The following ERBB4 variants were observed in gnomAD, a reference collection of about 807,000 sequenced individuals.
ERBB4 encodes receptor tyrosine-protein kinase erbB-4.
In ERBB4, 42 loss-of-function variants were observed where a neutral mutation model predicts 158.0. That is an observed-to-expected ratio of 0.27 (90% CI 0.21 to 0.34). The LOEUF is 0.34. Among genes scored for constraint, ERBB4 ranks in the 10% least tolerant of loss-of-function variants. ERBB4 has a pLI of 1.00. For missense variants in ERBB4, 1,333 were observed against 1,624.1 expected (o/e 0.82, Z 3.08); for synonymous variants, 583 against 558.7 (o/e 1.04, Z -0.61).
intron 20 of ERBB4, among the ~76,000 whole-genome samples, chr2:211,513,566 T>G (rs928227397): frequency 2.6e-5 from 4 of 152,062 alleles, no homozygotes; most frequent in African/African-American, 9.7e-5. Context: ...TGTGGAGAAC[T>G]TGGCCCTGCA....
chr2:212,328,715 T>A (rs1445211443), intron 1 of ERBB4, among the ~76,000 whole-genome samples: 3 of 152,046 alleles, frequency 2.0e-5, no homozygotes, highest in Non-Finnish European at 2.9e-5. Flanking sequence ...AAGAAATTTA[T>A]GCAAGAAATC....
intron 1 of ERBB4, among the ~76,000 whole-genome samples, chr2:212,402,907 T>C (rs1052667166): frequency 1.3e-5 from 2 of 152,144 alleles, no homozygotes; most frequent in South Asian, 4.1e-4. Flanking sequence ...ATTCAACTTT[T>C]ACGTGATACC....
intron 1 of ERBB4, among the ~76,000 whole-genome samples, chr2:212,431,025 C>T (rs1457727506): frequency 6.6e-6 from 1 of 151,976 alleles, no homozygotes; most frequent in Non-Finnish European, 1.5e-5. Context: ...TAGACTTACT[C>T]CTGTATCTCT....
At chr2:212,501,733 T>C (rs1690902708) in intron 1 of ERBB4, among the ~76,000 whole-genome samples, 2 of 152,180 alleles carry the variant, frequency 1.3e-5, no homozygotes, top group African/African-American at 4.8e-5. Flanking sequence ...TGGACTTTCT[T>C]CACAGAACCT....
chr2:212,538,739 AGCGCGTGTGT>A lies in ERBB4; in HGVS notation c.-219_-210del, dbSNP rs992627414. ...GGGGCCCGAGGAGGGGGCGAGTGTG[AGCGCGTGTGT>A]GCGCGTGTGGGAGTGTGCTCGGTGT... On this transcript the variant is annotated 5_prime_UTR_variant, in exon 1 of 28. Transcript: ENST00000342788. 1.9e-4 allele frequency: 77 copies of A among 401,584 alleles called. No individual in the cohort carries two copies. Among genetic ancestry groups the A allele is most frequent in the Non-Finnish European group, 2.9e-4 (68 of 232,782 alleles). 24.9% of individuals were successfully genotyped at this position (401,584 alleles called of 1,614,324 possible). A position where few individuals can be genotyped will look rare whatever the true frequency, so the allele number is the denominator to read the frequency against.
At chr2:212,516,952 C>A (rs974312108) in intron 1 of ERBB4, among the ~76,000 whole-genome samples, 1 of 152,192 alleles carries the variant, frequency 6.6e-6, no homozygotes, top group South Asian at 2.1e-4. Context: ...TATGTTTGCA[C>A]GACTTCCACA....
intron 2 of ERBB4, among the ~76,000 whole-genome samples, chr2:212,090,330 A>G (rs997332926): frequency 6.6e-6 from 1 of 152,172 alleles, no homozygotes; most frequent in Non-Finnish European, 1.5e-5. Flanking sequence ...ATTGTACTAT[A>G]TTTCTTGAAA....
chr2:212,357,179 G>A (rs879424389), intron 1 of ERBB4, among the ~76,000 whole-genome samples: 3 of 151,490 alleles, frequency 2.0e-5, no homozygotes, highest in Non-Finnish European at 4.4e-5. Context: ...TTACAATACA[G>A]GTCTGTAGTA....
At chr2:211,525,439 G>A (rs2066320612) in intron 20 of ERBB4, among the ~76,000 whole-genome samples, 1 of 152,048 alleles carries the variant, frequency 6.6e-6, no homozygotes, top group South Asian at 2.1e-4. Context: ...ACACACTCTG[G>A]GCCAGAAGAA....
At chr2:211,695,644 C>G (rs184023542) in intron 12 of ERBB4, among the ~76,000 whole-genome samples, 3 of 152,184 alleles carry the variant, frequency 2.0e-5, no homozygotes, top group Admixed American at 6.5e-5. Flanking sequence ...CTGTTAATAA[C>G]ATAATAACTA....
chr2:211,468,670 A>C (rs748308799), intron 20 of ERBB4, among the ~76,000 whole-genome samples: 2 of 152,176 alleles, frequency 1.3e-5, no homozygotes. Context: ...AAAGAAAGCC[A>C]CCGTGTTTGA....
chr2:212,459,673 T>C (rs958499263), intron 1 of ERBB4, among the ~76,000 whole-genome samples: 1 of 152,168 alleles, frequency 6.6e-6, no homozygotes, highest in African/African-American at 2.4e-5. Context: ...GGAAGCATTA[T>C]ACTACCTTAC....
chr2:212,049,940 G>A (rs756350629), intron 2 of ERBB4, among the ~76,000 whole-genome samples: 32 of 152,010 alleles, frequency 2.1e-4, no homozygotes, highest in African/African-American at 7.5e-4. Flanking sequence ...TAGAAAATAC[G>A]TGTCATGATT....
intron 1 of ERBB4, among the ~76,000 whole-genome samples, chr2:212,373,978 A>T (rs2090214637): frequency 7.8e-6 from 1 of 128,192 alleles, no homozygotes; most frequent in Non-Finnish European, 1.7e-5. Flanking sequence ...ATATCCATAT[A>T]TATATATCCA....
At chr2:211,555,616 G>A (rs1372359006) in intron 20 of ERBB4, among the ~76,000 whole-genome samples, 3 of 152,172 alleles carry the variant, frequency 2.0e-5, no homozygotes, top group African/African-American at 7.2e-5. Context: ...CAGACTAACA[G>A]TGGACCTCTC....
chr2:212,446,563 T>C (rs2092351283), intron 1 of ERBB4, among the ~76,000 whole-genome samples: 1 of 100,016 alleles, frequency 1.0e-5, no homozygotes, highest in African/African-American at 3.5e-5. Context: ...TGTAAGTTAA[T>C]ACTTAATAAA....
chr2:211,667,334 G>A (rs780210338), intron 14 of ERBB4, among the ~76,000 whole-genome samples: 1 of 151,394 alleles, frequency 6.6e-6, no homozygotes, highest in Non-Finnish European at 1.5e-5. Context: ...GTGAATAGAA[G>A]TATAAAGAAG....
At chr2:212,394,726 T>G (rs2090974965) in intron 1 of ERBB4, among the ~76,000 whole-genome samples, 1 of 152,128 alleles carries the variant, frequency 6.6e-6, no homozygotes, top group African/African-American at 2.4e-5. Context: ...ACTAGAAAAT[T>G]TATAAAATGA....
At chr2:211,522,698 T>C (rs543959454) in intron 20 of ERBB4, among the ~76,000 whole-genome samples, 80 of 152,266 alleles carry the variant, frequency 5.3e-4, no homozygotes, top group African/African-American at 1.8e-3. Context: ...TCATCCTATT[T>C]TAAGAAATTT....
Sources: allele counts gnomAD v4.1 joint callset (sites outside exome capture counted in the v4.1 genomes callset), GRCh38; gene constraint gnomAD v4.1.1; transcripts MANE v1.5; gene names NCBI Gene and HGNC (gene_info 2026-07-23, HGNC 2026-07-21).